Variants in NPAS3 observed in about 807,000 individuals in gnomAD.
The protein encoded by NPAS3 is neuronal PAS domain protein 3, also known as neuronal PAS domain-containing protein 3.
A neutral mutation model predicts 73.1 loss-of-function variants in NPAS3; 14 were observed. That is an observed-to-expected ratio of 0.19 (90% confidence interval 0.13 to 0.30). The LOEUF (loss-of-function observed/expected upper bound fraction) is 0.30. Ranked by LOEUF, NPAS3 falls within the 10% of genes least tolerant of loss-of-function variation. The pLI is 1.00. For synonymous variants in NPAS3, 620 were observed against 541.5 expected (o/e 1.14, Z -2.01); for missense variants, 1,096 against 1,250.0 (o/e 0.88, Z 1.86).
chr14:33,776,730 A>T (rs1431768452), intron 8 of NPAS3, among the ~76,000 whole-genome samples: 2 of 152,034 alleles, frequency 1.3e-5, no homozygotes, highest in Non-Finnish European at 2.9e-5. Context: ...CCATTCATTC[A>T]TCCCCTCACC....
At chr14:33,435,884 G>T (rs929189477) in intron 4 of NPAS3, among the ~76,000 whole-genome samples, 1 of 152,150 alleles carries the variant, frequency 6.6e-6, no homozygotes, top group Non-Finnish European at 1.5e-5. Context: ...CAGAACAAGT[G>T]CTGTTCTACC....
At chr14:33,149,609 A>G (rs1364925801) in intron 2 of NPAS3, among the ~76,000 whole-genome samples, 2 of 152,186 alleles carry the variant, frequency 1.3e-5, no homozygotes, top group African/African-American at 4.8e-5. Context: ...TTACTTATGT[A>G]TATAAGTGCT....
intron 1 of NPAS3, among the ~76,000 whole-genome samples, chr14:32,979,996 A>T (rs1203105204): frequency 6.6e-6 from 1 of 152,250 alleles, no homozygotes; most frequent in Non-Finnish European, 1.5e-5. Flanking sequence ...TGACATTATT[A>T]TGAATTCTAA....
intron 3 of NPAS3, among the ~76,000 whole-genome samples, chr14:33,343,513 A>G (rs1358021916): frequency 6.6e-6 from 1 of 152,012 alleles, no homozygotes; most frequent in East Asian, 1.9e-4. Context: ...CTACCATTCC[A>G]TGTTCCCCAG....
chr14:32,954,136 G>A (rs1036700595), intron 1 of NPAS3, among the ~76,000 whole-genome samples: 2 of 152,110 alleles, frequency 1.3e-5, no homozygotes, highest in Non-Finnish European at 2.9e-5. Flanking sequence ...AAATGATGAA[G>A]GTTCCAAATA....
intron 3 of NPAS3, among the ~76,000 whole-genome samples, chr14:33,232,873 G>A (rs762946683): frequency 1.3e-5 from 2 of 149,998 alleles, no homozygotes; most frequent in Non-Finnish European, 3.0e-5. Flanking sequence ...GTTTCTCAGA[G>A]ACATTACAAT....
At chr14:33,654,963 T>C (rs966073043) in intron 5 of NPAS3, among the ~76,000 whole-genome samples, 1 of 152,202 alleles carries the variant, frequency 6.6e-6, no homozygotes, top group Admixed American at 6.5e-5. Flanking sequence ...TCTGAATACA[T>C]ATACCCTGCT....
At chr14:33,692,703 G>A (rs1410742646) in intron 6 of NPAS3, among the ~76,000 whole-genome samples, 1 of 152,036 alleles carries the variant, frequency 6.6e-6, no homozygotes, top group Non-Finnish European at 1.5e-5. Flanking sequence ...GCCTCTAGGA[G>A]ACTAAGCAGA....
intron 1 of NPAS3, among the ~76,000 whole-genome samples, chr14:32,955,244 A>T (rs910883580): frequency 1.3e-5 from 2 of 152,118 alleles, no homozygotes; most frequent in African/African-American, 2.4e-5. Context: ...TCTCAATAGG[A>T]TATAACAATA....
chr14:33,164,881 T>C (rs2045064151), intron 2 of NPAS3, among the ~76,000 whole-genome samples: 1 of 151,788 alleles, frequency 6.6e-6, no homozygotes, highest in Non-Finnish European at 1.5e-5. Context: ...CTTCCTTCTG[T>C]ACTGGTGAGA....
At chr14:33,060,675 C>T (rs2041065660) in intron 2 of NPAS3, among the ~76,000 whole-genome samples, 1 of 152,210 alleles carries the variant, frequency 6.6e-6, no homozygotes, top group South Asian at 2.1e-4. Flanking sequence ...GTTAGTGTTT[C>T]AAACCTGTGC....
intron 6 of NPAS3, among the ~76,000 whole-genome samples, chr14:33,683,891 A>T (rs1352843370): frequency 6.6e-6 from 1 of 152,216 alleles, no homozygotes; most frequent in Non-Finnish European, 1.5e-5. Context: ...CTCTTGGTGT[A>T]TGCAGAGCAC....
intron 2 of NPAS3, among the ~76,000 whole-genome samples, chr14:33,159,562 T>TC (rs2044774968): frequency 6.7e-6 from 1 of 149,790 alleles, no homozygotes; most frequent in African/African-American, 2.5e-5. Context: ...GCTTTTTTTT[T>TC]TTTTTTTTTG....
chr14:33,418,505 G>A (rs1447402650), intron 4 of NPAS3, among the ~76,000 whole-genome samples: 5 of 151,768 alleles, frequency 3.3e-5, no homozygotes, highest in Non-Finnish European at 5.9e-5. Context: ...AGTCAAAGCA[G>A]TCAAATACTT....
intron 2 of NPAS3, among the ~76,000 whole-genome samples, chr14:33,089,456 GT>G (rs2042148825): frequency 6.6e-6 from 1 of 152,098 alleles, no homozygotes; most frequent in African/African-American, 2.4e-5. Flanking sequence ...AGAAAAAAGA[GT>G]AAAAAGAAAT....
intron 3 of NPAS3, among the ~76,000 whole-genome samples, chr14:33,323,246 C>T (rs143026381): frequency 1.1e-4 from 17 of 152,218 alleles, no homozygotes; most frequent in Admixed American, 3.3e-4. Flanking sequence ...TTATTTACAC[C>T]CCTCACACCT....
intron 9 of NPAS3, among the ~76,000 whole-genome samples, chr14:33,786,396 T>C (rs987992867): frequency 1.4e-5 from 2 of 147,996 alleles, no homozygotes; most frequent in African/African-American, 5.3e-5. Context: ...TTTTTAAAGA[T>C]GTTTGTTTAG....
chr14:32,978,117 G>GA (rs1037228705), intron 1 of NPAS3, among the ~76,000 whole-genome samples: 1 of 152,076 alleles, frequency 6.6e-6, no homozygotes, highest in Admixed American at 6.5e-5. Context: ...AGATGTGGGG[G>GA]GGTGAGAAAA....
chr14:33,403,622 T>C (rs1356470755), intron 4 of NPAS3, among the ~76,000 whole-genome samples: 1 of 152,146 alleles, frequency 6.6e-6, no homozygotes, highest in Non-Finnish European at 1.5e-5. Flanking sequence ...AATGATTCAG[T>C]AAAATAATAG....
Sources: allele counts gnomAD v4.1 joint callset (sites outside exome capture counted in the v4.1 genomes callset), GRCh38; gene constraint gnomAD v4.1.1; transcripts MANE v1.5; gene names NCBI Gene and HGNC (gene_info 2026-07-23, HGNC 2026-07-21).